PLA2G4A: variants seen among roughly 807,000 people sequenced by gnomAD.
The protein encoded by PLA2G4A is phospholipase A2 group IVA.
In PLA2G4A, 40 loss-of-function variants were observed where a neutral mutation model predicts 81.9. The ratio of observed to expected loss-of-function variants is 0.49; its 90% confidence interval spans 0.38 to 0.64. The LOEUF is 0.64. PLA2G4A is among the 30% of genes least tolerant of loss of function. The probability of loss-of-function intolerance (pLI) is 0.00; values close to 1 mark genes in which losing one functional copy is unlikely to be tolerated. For synonymous variants in PLA2G4A, 302 were observed against 296.9 expected, an observed-to-expected ratio of 1.02 and a Z score of -0.18; for missense variants, 715 against 905.1, an observed-to-expected ratio of 0.79 and a Z score of 2.69.
intron 7 of PLA2G4A, among the ~76,000 whole-genome samples, chr1:186,923,704 C>G (rs1025369732): frequency 6.6e-6 from 1 of 152,170 alleles, no homozygotes; most frequent in Non-Finnish European, 1.5e-5. Flanking sequence ...TTGGCCATGC[C>G]TTGAGGTATG....
At chr1:186,965,834 T>C (rs1440555044) in intron 15 of PLA2G4A, among the ~76,000 whole-genome samples, 1 of 152,090 alleles carries the variant, frequency 6.6e-6, no homozygotes, top group Non-Finnish European at 1.5e-5. Flanking sequence ...ATACAGTGGG[T>C]CTGAAGTTTA....
intron 6 of PLA2G4A, among the ~76,000 whole-genome samples, chr1:186,908,966 T>TTA (rs1654837180): frequency 7.9e-6 from 1 of 125,940 alleles, no homozygotes; most frequent in Non-Finnish European, 1.6e-5. Context: ...TTCTTTTCTT[T>TTA]TCTTTTTTTT....
At chr1:186,922,114 G>A (rs1655373733) in intron 7 of PLA2G4A, among the ~76,000 whole-genome samples, 2 of 152,000 alleles carry the variant, frequency 1.3e-5, no homozygotes, top group East Asian at 3.9e-4. Context: ...GGCTTACTTT[G>A]TGCCTGACCT....
intron 7 of PLA2G4A, among the ~76,000 whole-genome samples, chr1:186,912,801 TA>T (rs1655008739): frequency 6.9e-6 from 1 of 144,856 alleles, no homozygotes; most frequent in African/African-American, 2.6e-5. Flanking sequence ...TATATGTATA[TA>T]TATATATACA....
chr1:186,987,147 T>A (rs1373053070), intron 17 of PLA2G4A, among the ~76,000 whole-genome samples: 4 of 152,242 alleles, frequency 2.6e-5, no homozygotes. Context: ...AGAAAAATAA[T>A]TGCATGTTTG....
At chr1:186,968,400 A>ATGTGTGTGTGTGTGTGTGTGTG (rs58475951) in intron 15 of PLA2G4A, among the ~76,000 whole-genome samples, 108 of 137,458 alleles carry the variant, frequency 7.9e-4, no homozygotes, top group African/African-American at 2.1e-3. Flanking sequence ...CGCGGTGTGT[A>ATGTGTGTGTGTGTGTGTGTGTG]TGTGTGTGTG....
chr1:186,886,047 A>C (rs1653926998), intron 3 of PLA2G4A, among the ~76,000 whole-genome samples: 1 of 152,144 alleles, frequency 6.6e-6, no homozygotes, highest in Non-Finnish European at 1.5e-5. Context: ...TTTCTCAACA[A>C]AACAGAGAGG....
At chr1:186,938,567 G>A (rs1237990789) in intron 8 of PLA2G4A, among the ~76,000 whole-genome samples, 2 of 152,118 alleles carry the variant, frequency 1.3e-5, no homozygotes, top group Non-Finnish European at 2.9e-5. Context: ...CAATAGTTGG[G>A]ACAACATATT....
At chr1:186,943,858 T>C (rs1242123048) in intron 10 of PLA2G4A, among the ~76,000 whole-genome samples, 1 of 152,208 alleles carries the variant, frequency 6.6e-6, no homozygotes, top group Non-Finnish European at 1.5e-5. Flanking sequence ...ATTTTGATGA[T>C]AATGGAAATA....
At chr1:186,891,750 G>T (rs1214941690) in intron 3 of PLA2G4A, among the ~76,000 whole-genome samples, 1 of 152,200 alleles carries the variant, frequency 6.6e-6, no homozygotes, top group African/African-American at 2.4e-5. Context: ...AAATAGTGCT[G>T]CAATAAACAC....
intron 14 of PLA2G4A, among the ~76,000 whole-genome samples, chr1:186,959,735 T>G (rs1325118298): frequency 6.6e-6 from 1 of 152,148 alleles, no homozygotes; most frequent in Admixed American, 6.6e-5. Context: ...TAATCATATG[T>G]TTGGAATGAA....
At chr1:186,977,448 C>T in intron 15 of PLA2G4A, 145 bp from the exon 16 acceptor site, 2 of 632,466 alleles carry the variant, frequency 3.2e-6, no homozygotes, top group Admixed American at 2.7e-5. Flanking sequence ...TAATGAACTT[C>T]CTGAGAACAG....
intron 1 of PLA2G4A, among the ~76,000 whole-genome samples, chr1:186,843,089 G>A: frequency 6.6e-6 from 1 of 151,998 alleles, no homozygotes; most frequent in East Asian, 1.9e-4. Context: ...ATTGGTTGTG[G>A]GAGTCTACCT....
chr1:186,943,774 G>A (rs1358310041), intron 10 of PLA2G4A, among the ~76,000 whole-genome samples: 3 of 152,106 alleles, frequency 2.0e-5, no homozygotes, highest in African/African-American at 4.8e-5. Flanking sequence ...TGAAGAAAAG[G>A]TGTTGTATTT....
At chr1:186,900,587 C>G (rs1446468165) in intron 5 of PLA2G4A, among the ~76,000 whole-genome samples, 1 of 152,110 alleles carries the variant, frequency 6.6e-6, no homozygotes, top group East Asian at 1.9e-4. Flanking sequence ...TCACTCATGA[C>G]TGAATATGTC....
At chr1:186,910,427 T>C (rs935025665) in intron 6 of PLA2G4A, among the ~76,000 whole-genome samples, 1 of 152,184 alleles carries the variant, frequency 6.6e-6, no homozygotes, top group Admixed American at 6.5e-5. Flanking sequence ...TAGACTTCAG[T>C]ATTAAGATAT....
chr1:186,852,702 T>A (rs1367357050), intron 1 of PLA2G4A, among the ~76,000 whole-genome samples: 2 of 152,126 alleles, frequency 1.3e-5, no homozygotes, highest in African/African-American at 4.8e-5. Context: ...ACCCTCATCA[T>A]CTAATCACCT....
At chr1:186,934,215 C>T (rs1412460736) in intron 8 of PLA2G4A, among the ~76,000 whole-genome samples, 1 of 151,884 alleles carries the variant, frequency 6.6e-6, no homozygotes, top group Non-Finnish European at 1.5e-5. Context: ...CTGTTTATTA[C>T]ATCCTGTTGT....
At chr1:186,904,753 A>G (rs1654673902) in intron 5 of PLA2G4A, among the ~76,000 whole-genome samples, 1 of 152,246 alleles carries the variant, frequency 6.6e-6, no homozygotes, top group African/African-American at 2.4e-5. Flanking sequence ...GTAGATACAT[A>G]AAGTGTGTGC....
Sources: gnomAD v4.1 joint callset for allele counts (sites outside exome capture counted in the v4.1 genomes callset) on GRCh38, gnomAD v4.1.1 for gene constraint, MANE v1.5 for transcripts, NCBI Gene and HGNC (gene_info 2026-07-23, HGNC 2026-07-21) for gene names.